Variants in GRM1 observed in about 807,000 individuals in gnomAD.
GRM1 encodes the protein glutamate metabotropic receptor 1, also known as metabotropic glutamate receptor 1.
GRM1 carries 33 observed loss-of-function variants against 90.9 expected under a neutral mutation model. The ratio of observed to expected loss-of-function variants is 0.36; its 90% CI spans 0.28 to 0.49. The LOEUF (loss-of-function observed/expected upper bound fraction) is 0.49. Among genes scored for constraint, GRM1 ranks in the 20% least tolerant of loss-of-function variants. GRM1 has a pLI of 0.99. For missense variants in GRM1, 1,190 were observed against 1,534.3 expected, an observed-to-expected ratio of 0.78 and a Z score of 3.75; for synonymous variants, 700 against 613.2, an observed-to-expected ratio of 1.14 and a Z score of -2.09.
chr6:146,194,632 TGACACCCAGTTGCA>T (rs1188147562), intron 2 of GRM1, among the ~76,000 whole-genome samples: 1 of 152,212 alleles, frequency 6.6e-6, no homozygotes. Context: ...AATCCCCATT[TGACACCCAGTTGCA>T]GACACAATTC....
At chr6:146,280,104 C>A (rs1012333342) in intron 2 of GRM1, among the ~76,000 whole-genome samples, 4 of 152,062 alleles carry the variant, frequency 2.6e-5, no homozygotes, top group African/African-American at 9.7e-5. Flanking sequence ...TTGCTCTCAT[C>A]TTCTTGGACT....
intron 3 of GRM1, among the ~76,000 whole-genome samples, chr6:146,318,245 G>A (rs879680724): frequency 6.6e-5 from 10 of 152,016 alleles, no homozygotes; most frequent in Non-Finnish European, 1.2e-4. Context: ...GTGAGAACAT[G>A]CAGTGTTTGC....
intron 2 of GRM1, among the ~76,000 whole-genome samples, chr6:146,227,650 C>A (rs766835595): frequency 1.3e-5 from 2 of 152,112 alleles, no homozygotes; most frequent in African/African-American, 2.4e-5. Flanking sequence ...TCATATGGAC[C>A]AATCTCAGTA....
At chr6:146,172,267 G>A (rs1217946459) in intron 2 of GRM1, among the ~76,000 whole-genome samples, 8 of 152,092 alleles carry the variant, frequency 5.3e-5, no homozygotes, top group Non-Finnish European at 1.0e-4. Flanking sequence ...ATTGGGCTGA[G>A]TCTTCCTCAC....
chr6:146,242,143 G>C (rs996963401), intron 2 of GRM1, among the ~76,000 whole-genome samples: 1 of 152,156 alleles, frequency 6.6e-6, no homozygotes, highest in Non-Finnish European at 1.5e-5. Flanking sequence ...CCTATATGGG[G>C]TTAAGAGCTC....
At chr6:146,218,803 A>G (rs1779958801) in intron 2 of GRM1, among the ~76,000 whole-genome samples, 1 of 152,162 alleles carries the variant, frequency 6.6e-6, no homozygotes, top group African/African-American at 2.4e-5. Context: ...TAATATTTAA[A>G]TACAAGGGAA....
intron 2 of GRM1, among the ~76,000 whole-genome samples, chr6:146,172,934 A>G (rs1440008962): frequency 6.6e-6 from 1 of 152,208 alleles, no homozygotes; most frequent in Admixed American, 6.5e-5. Flanking sequence ...ATAGGATCAG[A>G]AATAAATACG....
chr6:146,161,332 C>T (rs900514868), intron 2 of GRM1, among the ~76,000 whole-genome samples: 5 of 152,070 alleles, frequency 3.3e-5, no homozygotes, highest in South Asian at 2.1e-4. Flanking sequence ...CAAAATTGTG[C>T]GGTGTGTAAT....
chr6:146,316,466 G>A (rs936521212), intron 3 of GRM1, among the ~76,000 whole-genome samples: 3 of 152,168 alleles, frequency 2.0e-5, no homozygotes, highest in East Asian at 1.9e-4. Flanking sequence ...GGACTGTTAC[G>A]TTGTCTACCA....
intron 2 of GRM1, among the ~76,000 whole-genome samples, chr6:146,289,505 C>T (rs1782901465): frequency 6.6e-6 from 1 of 151,942 alleles, no homozygotes; most frequent in African/African-American, 2.4e-5. Flanking sequence ...TTACAGTAAA[C>T]TAAGGTTAAT....
chr6:146,387,775 C>G (rs1776562169), intron 6 of GRM1, among the ~76,000 whole-genome samples: 1 of 152,050 alleles, frequency 6.6e-6, no homozygotes, highest in Admixed American at 6.6e-5. Context: ...CAGAGTGCTT[C>G]TGTGTGACAT....
intron 3 of GRM1, among the ~76,000 whole-genome samples, chr6:146,324,329 T>G (rs1488936710): frequency 6.6e-6 from 1 of 152,146 alleles, no homozygotes; most frequent in Non-Finnish European, 1.5e-5. Context: ...CTTGCTGAGC[T>G]CTGTGCGGGT....
intron 1 of GRM1, among the ~76,000 whole-genome samples, chr6:146,109,438 G>T (rs1775463712): frequency 6.6e-6 from 1 of 152,218 alleles, no homozygotes; most frequent in South Asian, 2.1e-4. Context: ...CGAGTGCACA[G>T]AAGTCAAGAA....
chr6:146,222,885 G>C (rs1780118699), intron 2 of GRM1, among the ~76,000 whole-genome samples: 1 of 152,102 alleles, frequency 6.6e-6, no homozygotes, highest in Non-Finnish European at 1.5e-5. Context: ...TCAGATGAGT[G>C]AGTTAGGTAG....
chr6:146,160,534 G>A (rs1355559242), intron 2 of GRM1, among the ~76,000 whole-genome samples: 60 of 152,170 alleles, frequency 3.9e-4, no homozygotes, highest in Admixed American at 3.7e-3. Flanking sequence ...CTCATCTTCC[G>A]AAGCTCTTTG....
intron 1 of GRM1, among the ~76,000 whole-genome samples, chr6:146,061,222 A>C (rs1181158103): frequency 6.6e-6 from 1 of 152,176 alleles, no homozygotes; most frequent in African/African-American, 2.4e-5. Context: ...TCATCATAAG[A>C]GATATAATAA....
intron 3 of GRM1, among the ~76,000 whole-genome samples, chr6:146,318,795 G>T (rs1225136869): frequency 1.3e-5 from 2 of 152,100 alleles, no homozygotes; most frequent in Admixed American, 6.6e-5. Flanking sequence ...CCACATAAAT[G>T]TCTTCTTTTG....
At position 146,398,936 on chromosome 6, in the gene GRM1, A is replaced by T; in HGVS notation, c.1897A>T (p.Ile633Phe). Reference protein sequence around the residue: ...VKSSSRELCYIILAGIFLGYV... With the variant: ...VKSSSRELCYFILAGIFLGYV... ...ATCCTCCAGTCGGGAGCTCTGCTAC[A>T]TCATCCTAGCTGGCATCTTCCTTGG... is the stretch of plus-strand genomic sequence containing the variant. Residue 633 changes from isoleucine (I) to phenylalanine (F), a missense_variant, in exon 7 of 8, where the codon ATC (isoleucine) becomes TTC (phenylalanine). Physicochemically the swap from Ile to Phe is conservative, Grantham distance 21. Around this residue, in one of 10 missense-constraint regions of GRM1, gnomAD observed 414 missense variants for 598.4 expected, o/e 0.69. Transcript: ENST00000282753. 1 of 1,614,152 alleles carries T rather than the reference A, an allele frequency of 6.2e-7. No individual in the cohort carries two copies.
intron 2 of GRM1, among the ~76,000 whole-genome samples, chr6:146,232,498 T>C (rs1208420789): frequency 6.6e-6 from 1 of 152,096 alleles, no homozygotes; most frequent in Non-Finnish European, 1.5e-5. Context: ...GAGATATCCA[T>C]TCCCTCAAGC....
Sources: gnomAD v4.1 joint callset for allele counts (sites outside exome capture counted in the v4.1 genomes callset) on GRCh38, gnomAD v4.1.1 for gene constraint, gnomAD v4.1.1 regional missense constraint, MANE v1.5 for transcripts, NCBI Gene and HGNC (gene_info 2026-07-23, HGNC 2026-07-21) for gene names.